Variants in SNRPN observed in about 807,000 individuals in gnomAD.
The protein encoded by SNRPN is small nuclear ribonucleoprotein polypeptide N, also known as small nuclear ribonucleoprotein-associated protein N.
In SNRPN, 7 loss-of-function variants were observed where a neutral mutation model predicts 25.2. That is an observed-to-expected ratio of 0.28 (90% CI 0.16 to 0.52). The LOEUF is 0.52. Among genes scored for constraint, SNRPN ranks in the 20% least tolerant of loss-of-function variants. The probability of loss-of-function intolerance (pLI) is 0.96; values close to 1 mark genes in which losing one functional copy is unlikely to be tolerated. For missense variants in SNRPN, 196 were observed against 322.5 expected (o/e 0.61, Z 3.00); for synonymous variants, 124 against 110.6 (o/e 1.12, Z -0.76).
chr15:24,964,573 C>T (rs2075345801), intron 2 of SNRPN, among the ~76,000 whole-genome samples: 2 of 152,120 alleles, frequency 1.3e-5, no homozygotes, highest in South Asian at 2.1e-4. Context: ...GCTAGGATTA[C>T]AGGTGTGAGC....
chr15:24,845,140 T>C (rs1163173368), intron 2 of SNRPN, among the ~76,000 whole-genome samples: 2 of 152,194 alleles, frequency 1.3e-5, no homozygotes, highest in African/African-American at 2.4e-5. Flanking sequence ...TATATGTATA[T>C]GCTATAATGC....
intron 2 of SNRPN, among the ~76,000 whole-genome samples, chr15:24,902,352 A>C (rs1300084854): frequency 6.6e-6 from 1 of 152,240 alleles, no homozygotes; most frequent in African/African-American, 2.4e-5. Context: ...TGCTATCTAG[A>C]GGAAGAAAAT....
chr15:24,952,913 A>T (rs894449928), upstream of SNRPN, among the ~76,000 whole-genome samples: 1 of 152,080 alleles, frequency 6.6e-6, no homozygotes, highest in African/African-American at 2.4e-5. Context: ...GAAAAAGGAT[A>T]TTAGGAAAAA....
intron 3 of SNRPN, among the ~76,000 whole-genome samples, chr15:24,946,383 G>A (rs932389403): frequency 2.0e-5 from 3 of 151,986 alleles, no homozygotes; most frequent in Non-Finnish European, 2.9e-5. Flanking sequence ...CTCTAGCCTG[G>A]GTAACAGAGT....
intron 2 of SNRPN, among the ~76,000 whole-genome samples, chr15:24,916,710 G>A (rs975579819): frequency 6.6e-6 from 1 of 152,170 alleles, no homozygotes; most frequent in East Asian, 1.9e-4. Context: ...GAAGTAGTAC[G>A]CTCGTGTTTG....
chr15:24,909,287 T>C (rs8023367), intron 2 of SNRPN: 1,402,480 of 1,601,658 alleles, frequency 0.88, 615,220 homozygotes, highest in East Asian at 1. Flanking sequence ...ACCAGGGAAT[T>C]GTTTGGTACT....
chr15:24,858,387 A>AT (rs1415825561), intron 1 of SNRPN, among the ~76,000 whole-genome samples: 1 of 152,114 alleles, frequency 6.6e-6, no homozygotes, highest in Non-Finnish European at 1.5e-5. Flanking sequence ...CTCAGTTATG[A>AT]TTTTTTGCAA....
intron 3 of SNRPN, among the ~76,000 whole-genome samples, chr15:24,943,825 A>AT (rs749738130): frequency 6.6e-6 from 1 of 151,228 alleles, no homozygotes; most frequent in African/African-American, 2.4e-5. Context: ...TTTTTTTTTA[A>AT]TTTTTTTATT....
intron 2 of SNRPN, chr15:24,912,373 G>C (rs1213648428): frequency 6.6e-6 from 1 of 152,128 alleles, no homozygotes; most frequent in Non-Finnish European, 1.5e-5. Flanking sequence ...GTTCACAGCT[G>C]GAGAGCCATT....
chr15:24,956,054 C>T (rs2062807395), intron 1 of SNRPN, among the ~76,000 whole-genome samples: 1 of 152,112 alleles, frequency 6.6e-6, no homozygotes, highest in African/African-American at 2.4e-5. Context: ...AATGCCTACA[C>T]TGCCGCAGGG....
At chr15:24,872,845 C>G (rs1457912428) in intron 1 of SNRPN, among the ~76,000 whole-genome samples, 1 of 100,786 alleles carries the variant, frequency 9.9e-6, no homozygotes, top group Non-Finnish European at 2.1e-5. Flanking sequence ...GCACTCCAGC[C>G]TGGGTGACAG....
rs1566806746 is a variant in SNRPN at position 24,834,763 on chromosome 15, A to ATATATG, written c.-579+4863_-579+4864insGTATAT. ...TCTCTCTCTCTCTCTATATATATAT[A>ATATATG]TATATATATATATATAGCCAGGCGT... is the stretch of plus-strand genomic sequence containing the variant. On this transcript the variant is annotated intron_variant, in intron 2 of 12. Coordinates refer to the SNRPN transcript ENST00000400100. Among the ~76,000 whole-genome samples the ATATATG allele has an allele frequency of 1.2e-4, 7 of 59,126 alleles. No individual in the cohort carries two copies. The South Asian group carries it at 3.1e-3, about 26-fold the overall frequency. 38.8% of individuals were successfully genotyped at this position (59,126 alleles called of 152,430 possible).
chr15:24,937,702 C>G (rs1051657111), intron 3 of SNRPN, among the ~76,000 whole-genome samples: 5 of 152,188 alleles, frequency 3.3e-5, no homozygotes, highest in African/African-American at 1.2e-4. Context: ...ACCATCACCA[C>G]TGTCTAGCTC....
upstream of SNRPN, chr15:24,954,936 T>G: frequency 1.3e-6 from 2 of 1,496,366 alleles, no homozygotes; most frequent in South Asian, 1.2e-5. Context: ...CTGGCGCGCA[T>G]GCTCAGGCGG....
intron 2 of SNRPN, among the ~76,000 whole-genome samples, chr15:24,904,959 A>AG (rs2058702707): frequency 6.6e-6 from 1 of 150,470 alleles, no homozygotes; most frequent in Non-Finnish European, 1.5e-5. Context: ...AAAAAAAAAA[A>AG]AAAATTAGCT....
At chr15:24,900,862 AG>A (rs1418795643) in intron 2 of SNRPN, among the ~76,000 whole-genome samples, 1 of 152,174 alleles carries the variant, frequency 6.6e-6, no homozygotes, top group African/African-American at 2.4e-5. Context: ...TTGGATGCCA[AG>A]GCAGGAGGAT....
intron 1 of SNRPN, among the ~76,000 whole-genome samples, chr15:24,859,118 A>G (rs2053741511): frequency 6.6e-6 from 1 of 152,242 alleles, no homozygotes; most frequent in African/African-American, 2.4e-5. Context: ...CACCAATGGG[A>G]AAAGGGTACA....
At chr15:24,901,594 ACT>A (rs911887378) in intron 2 of SNRPN, among the ~76,000 whole-genome samples, 29 of 152,266 alleles carry the variant, frequency 1.9e-4, no homozygotes, top group Admixed American at 1.8e-3. Flanking sequence ...AATTGTTGCC[ACT>A]CTGTGCATGA....
chr15:24,860,346 G>C (rs1424336251), intron 1 of SNRPN, among the ~76,000 whole-genome samples: 1 of 152,164 alleles, frequency 6.6e-6, no homozygotes, highest in Non-Finnish European at 1.5e-5. Context: ...TTTATTTAGT[G>C]AAGAAAAGAG....
Sources: gnomAD v4.1 joint callset for allele counts (sites outside exome capture counted in the v4.1 genomes callset) on GRCh38, gnomAD v4.1.1 for gene constraint, MANE v1.5 for transcripts, NCBI Gene and HGNC (gene_info 2026-07-23, HGNC 2026-07-21) for gene names.